ENTHD1: variants seen among roughly 807,000 people sequenced by gnomAD.
ENTHD1 encodes the protein ENTH domain containing 1.
In ENTHD1, 23 loss-of-function variants were observed where a neutral mutation model predicts 39.1. That is an observed-to-expected ratio of 0.59 (90% CI 0.42 to 0.83). ENTHD1 has a LOEUF of 0.83. Ranked by LOEUF, ENTHD1 falls within the 40% of genes least tolerant of loss-of-function variation. ENTHD1 has a pLI of 0.00. For missense variants in ENTHD1, 624 were observed against 705.4 expected (o/e 0.88, Z 1.31); for synonymous variants, 230 against 258.2 (o/e 0.89, Z 1.05).
Position 39,885,688 on chromosome 22 carries a change from C to A in ENTHD1, c.349+1712G>T, listed in dbSNP as rs141327339. On this transcript the variant is annotated intron_variant, in intron 2 of 6. Transcript: ENST00000325157. ...AGTTCTGATACATCCTACAACATGACAACGCTGAGGACATTATGGTAAGTG... is the reference window on the plus strand; with the variant it reads ...AGTTCTGATACATCCTACAACATGAAAACGCTGAGGACATTATGGTAAGTG... Among the ~76,000 whole-genome samples, 4 of 152,282 alleles carry A rather than the reference C, an allele frequency of 2.6e-5. No homozygotes were observed. The East Asian group carries it at 7.7e-4, about 29-fold the overall frequency.
chr22:39,757,576 C>CTGAGGCAGGAGAATCACT (rs568785035), intron 6 of ENTHD1, among the ~76,000 whole-genome samples: 107 of 152,162 alleles, frequency 7.0e-4, no homozygotes, highest in African/African-American at 2.5e-3. Context: ...ACTCAGGAGG[C>CTGAGGCAGGAGAATCACT]TGAGGCAGGA....
intron 5 of ENTHD1, among the ~76,000 whole-genome samples, chr22:39,792,481 G>A (rs995720415): frequency 6.6e-6 from 1 of 151,912 alleles, no homozygotes; most frequent in African/African-American, 2.4e-5. Flanking sequence ...TTTTTAATCT[G>A]TGATTTTTGT....
chr22:39,813,692 G>A (rs1728661963), intron 5 of ENTHD1, among the ~76,000 whole-genome samples: 1 of 152,184 alleles, frequency 6.6e-6, no homozygotes, highest in Admixed American at 6.5e-5. Flanking sequence ...TCAGCACTGT[G>A]TAAGTCATTC....
intron 2 of ENTHD1, among the ~76,000 whole-genome samples, chr22:39,868,580 G>C (rs74650048): frequency 0.095 from 14,499 of 152,084 alleles, 774 homozygotes; most frequent in African/African-American, 0.13. Context: ...TAATTTATGA[G>C]TAAGTCCTCA....
chr22:39,846,724 A>G lies in ENTHD1; in HGVS notation c.593-10766T>C, dbSNP rs1211187840. Among the ~76,000 whole-genome samples, 202 of 152,278 alleles carry G rather than the reference A, an allele frequency of 1.3e-3. 1 individual carries two copies. Among genetic ancestry groups the G allele is most frequent in the African/African-American group, 4.3e-3 (180 of 41,520 alleles). The stretch of plus-strand genomic sequence containing the variant: ...AAAAACAAACAACCCCATCAAAAAA[A>G]TGGGCAAAGGATATGAACAGACACT... On this transcript the variant is annotated intron_variant, in intron 3 of 6. Coordinates refer to ENST00000325157, the MANE Select transcript of ENTHD1 (RefSeq NM_152512.4).
chr22:39,764,618 A>G (rs1478581797), intron 6 of ENTHD1, among the ~76,000 whole-genome samples: 6 of 151,966 alleles, frequency 3.9e-5, no homozygotes, highest in African/African-American at 1.4e-4. Context: ...GCATAATTAT[A>G]TAATAGAGGA....
chr22:39,796,325 T>G (rs989876138), intron 5 of ENTHD1, among the ~76,000 whole-genome samples: 2 of 152,032 alleles, frequency 1.3e-5, no homozygotes, highest in African/African-American at 2.4e-5. Context: ...CAGGCTGGAG[T>G]GCAATGGTGT....
chr22:39,757,119 A>G (rs150232103), intron 6 of ENTHD1, among the ~76,000 whole-genome samples: 1 of 152,162 alleles, frequency 6.6e-6, no homozygotes, highest in Non-Finnish European at 1.5e-5. Context: ...AACACTGTGT[A>G]TCTTCTCAAC....
intron 6 of ENTHD1, among the ~76,000 whole-genome samples, chr22:39,747,038 G>T (rs958212875): frequency 3.3e-5 from 5 of 152,170 alleles, no homozygotes; most frequent in African/African-American, 1.2e-4. Context: ...CACCCAGACT[G>T]GAGTGCAGTG....
At chr22:39,803,223 A>G (rs2065613385) in intron 5 of ENTHD1, among the ~76,000 whole-genome samples, 1 of 152,066 alleles carries the variant, frequency 6.6e-6, no homozygotes, top group South Asian at 2.1e-4. Flanking sequence ...TCTAGCCACA[A>G]CGGCCTCCTT....
At chr22:39,785,575 T>C (rs548272166) in intron 5 of ENTHD1, among the ~76,000 whole-genome samples, 1 of 152,336 alleles carries the variant, frequency 6.6e-6, no homozygotes, top group Non-Finnish European at 1.5e-5. Flanking sequence ...CTTTGGCTAA[T>C]GTGGCCATCC....
chr22:39,744,901 C>CT (rs934818719), intron 6 of ENTHD1, among the ~76,000 whole-genome samples: 42 of 152,138 alleles, frequency 2.8e-4, no homozygotes, highest in Admixed American at 2.0e-3. Context: ...CATTCTAAGC[C>CT]TTTTTTTCCA....
At chr22:39,751,190 A>C (rs2065144842) in intron 6 of ENTHD1, 1 of 153,764 alleles carries the variant, frequency 6.5e-6, no homozygotes, top group Admixed American at 6.5e-5. Flanking sequence ...TCTTGTCCAG[A>C]AACTTCAACA....
intron 5 of ENTHD1, among the ~76,000 whole-genome samples, chr22:39,799,563 C>CA (rs1378111707): frequency 6.6e-6 from 1 of 152,128 alleles, no homozygotes; most frequent in Non-Finnish European, 1.5e-5. Context: ...TTTTCCACCT[C>CA]AAAAAAATTG....
chr22:39,776,521 T>G (rs2065366624), intron 5 of ENTHD1, among the ~76,000 whole-genome samples: 1 of 152,210 alleles, frequency 6.6e-6, no homozygotes, highest in Non-Finnish European at 1.5e-5. Context: ...CCAATATAAT[T>G]GACTGATGCA....
At chr22:39,824,867 T>C (rs931110207) in intron 4 of ENTHD1, among the ~76,000 whole-genome samples, 12 of 152,248 alleles carry the variant, frequency 7.9e-5, no homozygotes, top group Non-Finnish European at 1.2e-4. Flanking sequence ...ATTTTGTTCT[T>C]CCTTTTCAAA....
chr22:39,827,003 A>G (rs2065832027), intron 4 of ENTHD1, among the ~76,000 whole-genome samples: 1 of 149,806 alleles, frequency 6.7e-6, no homozygotes, highest in African/African-American at 2.5e-5. Flanking sequence ...GCATGCCACC[A>G]TGCCCAACTA....
chr22:39,877,723 A>G (rs1335509616), intron 2 of ENTHD1, among the ~76,000 whole-genome samples: 1 of 152,230 alleles, frequency 6.6e-6, no homozygotes, highest in Non-Finnish European at 1.5e-5. Flanking sequence ...AGAATTTTCC[A>G]GAGCACTCTG....
intron 5 of ENTHD1, among the ~76,000 whole-genome samples, chr22:39,782,068 C>G (rs1032677324): frequency 6.6e-6 from 1 of 152,174 alleles, no homozygotes; most frequent in Non-Finnish European, 1.5e-5. Context: ...GGGAGGATCA[C>G]TTGAGGCCAG....
Sources: gnomAD v4.1 joint callset for allele counts (sites outside exome capture counted in the v4.1 genomes callset) on GRCh38, gnomAD v4.1.1 for gene constraint, MANE v1.5 for transcripts, NCBI Gene and HGNC (gene_info 2026-07-23, HGNC 2026-07-21) for gene names.